MIS18BP1: variants seen among roughly 807,000 people sequenced by gnomAD.
MIS18BP1 encodes mis18-binding protein 1.
In MIS18BP1, 72 loss-of-function variants were observed where a neutral mutation model predicts 116.1. That is an observed-to-expected ratio of 0.62 (90% CI 0.51 to 0.75). The LOEUF is 0.75. Ranked by LOEUF, MIS18BP1 falls within the 30% of genes least tolerant of loss-of-function variation. The pLI is 0.00. For missense variants in MIS18BP1, 1,363 were observed against 1,303.2 expected (o/e 1.05, Z -0.71); for synonymous variants, 386 against 427.0 (o/e 0.90, Z 1.18).
rs1891606691 is a variant in MIS18BP1, at chr14:45,242,446, G to A, written c.731C>T (p.Ala244Val). 1 of 1,613,232 alleles carries A rather than the reference G, an allele frequency of 6.2e-7. No homozygotes were observed. Among genetic ancestry groups the A allele is most frequent in the Non-Finnish European group, 8.5e-7 (1 of 1,179,858 alleles). Residue 244 changes from alanine (A) to valine (V), a missense_variant, in exon 4 of 17, where the codon GCT (alanine) becomes GTT (valine). Transcript: ENST00000310806. ...GTGAAAAATTTGTTTAGCCAACTGAGCTCTAGTTAATGTCTTGTTTCGGGC... is the reference window on the plus strand; with the variant it reads ...GTGAAAAATTTGTTTAGCCAACTGAACTCTAGTTAATGTCTTGTTTCGGGC... ...VEARNKTLTRAQLAKQIFHSK... is the reference protein window; with the variant it reads ...VEARNKTLTRVQLAKQIFHSK...
Position 45,203,233 on chromosome 14 carries a change from G to A in MIS18BP1, c.*876C>T, listed in dbSNP as rs1038838453. 26 of 151,890 alleles carry A rather than the reference G, an allele frequency of 1.7e-4. No homozygotes were observed. Among genetic ancestry groups the A allele is most frequent in the African/African-American group, 6.0e-4 (25 of 41,348 alleles). The allele number at this position is 151,890 out of a possible 1,614,324, so 9.4% of individuals were successfully genotyped here. On this transcript the variant is annotated 3_prime_UTR_variant, in exon 17 of 17. Coordinates refer to ENST00000310806, the MANE Select transcript of MIS18BP1 (RefSeq NM_018353.5). ...ACTTTATTTGAATAATCTAAATAGA[G>A]AACAAGGGTAGGTGAATGTGTAGCC...
At chr14:45,238,352 C>CT (rs1431212178) in intron 4 of MIS18BP1, among the ~76,000 whole-genome samples, 2 of 152,074 alleles carry the variant, frequency 1.3e-5, no homozygotes, top group Non-Finnish European at 2.9e-5. Context: ...GATTGAACTA[C>CT]TTCTGATGAG....
chr14:45,235,352 T>C (rs1337989027), intron 6 of MIS18BP1, among the ~76,000 whole-genome samples: 1 of 152,082 alleles, frequency 6.6e-6, no homozygotes, highest in South Asian at 2.1e-4. Context: ...TACCTGCAGT[T>C]GCTATTGCAT....
chr14:45,218,590 T>C (rs1341271401), intron 11 of MIS18BP1, 136 bp from the exon 12 acceptor site: 1 of 839,886 alleles, frequency 1.2e-6, no homozygotes, highest in African/African-American at 1.8e-5. Context: ...TGGATAACAA[T>C]TAAGAAAGAT....
intron 13 of MIS18BP1, among the ~76,000 whole-genome samples, chr14:45,212,226 G>T (rs1466185641): frequency 6.6e-6 from 1 of 152,086 alleles, no homozygotes; most frequent in Non-Finnish European, 1.5e-5. Context: ...CTTAATGTGT[G>T]TATGGGCCCT....
At chr14:45,217,677 C>T (rs765609385) in intron 12 of MIS18BP1, among the ~76,000 whole-genome samples, 8 of 151,708 alleles carry the variant, frequency 5.3e-5, no homozygotes, top group South Asian at 2.1e-4. Context: ...CTCAAGTAAT[C>T]GGTCCACCTC....
At chr14:45,245,241 G>T (rs1891692791) in intron 2 of MIS18BP1, among the ~76,000 whole-genome samples, 1 of 152,098 alleles carries the variant, frequency 6.6e-6, no homozygotes, top group South Asian at 2.1e-4. Flanking sequence ...GACCAATTAG[G>T]AGCATTAGAC....
chr14:45,241,700 T>A (rs1368770837), intron 4 of MIS18BP1: 1 of 180,594 alleles, frequency 5.5e-6, no homozygotes, highest in East Asian at 1.6e-4. Context: ...ACTATTTTAA[T>A]AGTACTGTAA....
intron 3 of MIS18BP1, 109 bp downstream of exon 3, chr14:45,242,652 A>G (rs1340228272): frequency 6.9e-7 from 1 of 1,459,338 alleles, no homozygotes; most frequent in Non-Finnish European, 9.2e-7. Context: ...TTACGATTCA[A>G]GCTTTTGTCC....
Position 45,209,213 on chromosome 14 carries a change from C to T in MIS18BP1, c.3152+1167G>A, listed in dbSNP as rs148728893. 2.7e-3 allele frequency among the ~76,000 whole-genome samples: 417 copies of T among 152,198 alleles called. 1 individual carries two copies. The highest frequency in any genetic ancestry group is 9.6e-3 in the African/African-American group (400 of 41,516). ...ACACAAGTATATACATATATGCATACATACATATAGCTTCTATTTACACAA... is the reference window on the plus strand; with the variant it reads ...ACACAAGTATATACATATATGCATATATACATATAGCTTCTATTTACACAA... On this transcript the variant is annotated intron_variant, in intron 14 of 16. Transcript: ENST00000310806.
intron 11 of MIS18BP1, among the ~76,000 whole-genome samples, chr14:45,222,792 G>T (rs1376201725): frequency 6.6e-6 from 1 of 152,192 alleles, no homozygotes; most frequent in South Asian, 2.1e-4. Flanking sequence ...GTTCCCTGGA[G>T]TTTCCCTTGT....
At chr14:45,228,508 C>G (rs1366721536) in intron 8 of MIS18BP1, among the ~76,000 whole-genome samples, 1 of 152,126 alleles carries the variant, frequency 6.6e-6, no homozygotes. Context: ...TATGTTTCAA[C>G]TAGTTTATGT....
At chr14:45,242,985 A>G in intron 2 of MIS18BP1, 111 bp from the exon 3 acceptor site, 1 of 683,754 alleles carries the variant, frequency 1.5e-6, no homozygotes, top group Non-Finnish European at 2.5e-6. Context: ...TAATGATCAG[A>G]CCAGTATAGT....
At position 45,217,024 on chromosome 14, in the gene MIS18BP1, T is replaced by C. The variant is rs545344604; in HGVS notation, c.2998A>G (p.Ile1000Val). Reference sequence around the variant, plus strand: ...AATGATTTCATGCCTCTTACCAGTATTCTTTGATGCTGTAAAGGTGTTGTA... The same window carrying C: ...AATGATTTCATGCCTCTTACCAGTACTCTTTGATGCTGTAAAGGTGTTGTA... ...FSTTPLQHQRILLPSFQDSED... is the reference protein window; with the variant it reads ...FSTTPLQHQRVLLPSFQDSED... The change falls in exon 13 of 17, where the codon ATA (isoleucine) becomes GTA (valine). Residue 1000 changes from isoleucine to valine, a missense_variant. Ile to Val is a conservative substitution (Grantham distance 29). Transcript: ENST00000310806. 2 of 1,613,676 alleles carry C rather than the reference T, an allele frequency of 1.2e-6. No individual in the cohort carries two copies. Among genetic ancestry groups the C allele is most frequent in the Admixed American group, 1.7e-5 (1 of 59,962 alleles).
chr14:45,237,393 T>A (rs549262129), intron 5 of MIS18BP1, among the ~76,000 whole-genome samples: 131 of 152,262 alleles, frequency 8.6e-4, no homozygotes, highest in African/African-American at 3.1e-3. Context: ...TATTAGCACC[T>A]CAGAAAAAAA....
rs1890443556 is a variant in MIS18BP1 at position 45,204,127 on chromosome 14, C to T, written c.3381G>A (p.Ser1127=). ...CATTTTACTATGCAGAATCAGAGTTCGAAAAATAATAATCTTTCTCTTCTT... is the reference window on the plus strand; with the variant it reads ...CATTTTACTATGCAGAATCAGAGTTTGAAAAATAATAATCTTTCTCTTCTT... The part of the protein sequence containing the change: ...LDEEEKDYYF[S]NSDSA The change falls in exon 17 of 17, where the codon TCG becomes TCA. Residue 1127 remains serine (S), a synonymous_variant. Transcript: ENST00000310806. 6.2e-6 allele frequency: 10 copies of T among 1,609,102 alleles called. No homozygotes were observed. The highest frequency in any genetic ancestry group is 2.2e-5 in the East Asian group (1 of 44,586).
At chr14:45,244,592 G>C (rs900353459) in intron 2 of MIS18BP1, among the ~76,000 whole-genome samples, 1 of 152,092 alleles carries the variant, frequency 6.6e-6, no homozygotes, top group African/African-American at 2.4e-5. Flanking sequence ...CATCTTAGCA[G>C]CAAAACAGGG....
At chr14:45,217,241 G>A (rs1237664500) in intron 12 of MIS18BP1, 62 bp from the exon 13 acceptor site, 100 of 1,527,024 alleles carry the variant, frequency 6.5e-5, no homozygotes, top group Middle Eastern at 5.2e-4. Flanking sequence ...GCTCTATAAA[G>A]TTAACAACCT....
In MIS18BP1 at chr14:45,226,818, C is replaced by T; in HGVS notation, c.1765G>A (p.Glu589Lys). ...AGTTTCTTTGAAGACATTTTATATTCTTTTTTTCCAATTAATTCCTTCAAA... is the reference window on the plus strand; with the variant it reads ...AGTTTCTTTGAAGACATTTTATATTTTTTTTTTCCAATTAATTCCTTCAAA... Reference protein sequence around the residue: ...LSNQELIGKKEYKMSSKKLKI... With the variant: ...LSNQELIGKKKYKMSSKKLKI... The change falls in exon 10 of 17, where the codon GAA becomes AAA. Residue 589 changes from glutamate (E) to lysine (K), a missense_variant. By Grantham distance (56) the Glu-to-Lys change is moderately conservative. Transcript: ENST00000310806. The T allele has an allele frequency of 7.2e-7, 1 of 1,392,502 alleles. No individual in the cohort carries two copies. The highest frequency in any genetic ancestry group is 9.5e-7 in the Non-Finnish European group (1 of 1,050,382). The allele number at this position is 1,392,502 out of a possible 1,614,324, so 86.3% of individuals were successfully genotyped here. A position where few individuals can be genotyped will look rare whatever the true frequency, so the allele number is the denominator to read the frequency against.
Sources: allele counts gnomAD v4.1 joint callset (sites outside exome capture counted in the v4.1 genomes callset), GRCh38; gene constraint gnomAD v4.1.1; transcripts MANE v1.5; gene names NCBI Gene and HGNC (gene_info 2026-07-23, HGNC 2026-07-21).